Variants in BICDL1 observed in about 807,000 individuals in gnomAD.
The protein encoded by BICDL1 is BICD family like cargo adaptor 1.
In BICDL1, 20 loss-of-function variants were observed where a neutral mutation model predicts 76.8. The ratio of observed to expected loss-of-function variants is 0.26; its 90% CI spans 0.18 to 0.38. BICDL1 has a LOEUF of 0.38. BICDL1 is among the 10% of genes least tolerant of loss of function. The pLI is 1.00. For synonymous variants in BICDL1, 383 were observed against 337.1 expected (o/e 1.14, Z -1.49); for missense variants, 700 against 798.6 (o/e 0.88, Z 1.49).
At chr12:120,075,639 ACT>A (rs1474804363) in intron 7 of BICDL1, among the ~76,000 whole-genome samples, 1 of 151,944 alleles carries the variant, frequency 6.6e-6, no homozygotes, top group East Asian at 1.9e-4. Context: ...CTCACCTCAG[ACT>A]CTCAAAGTGC....
At chr12:120,067,408 C>T (rs181607031) in intron 4 of BICDL1, among the ~76,000 whole-genome samples, 20 of 152,290 alleles carry the variant, frequency 1.3e-4, no homozygotes, top group African/African-American at 2.6e-4. Flanking sequence ...CTTAGATGAG[C>T]GTAAATGTAG....
At position 120,079,373 on chromosome 12, in the gene BICDL1, A is replaced by AC. The variant is rs1873799934; in HGVS notation, c.1453-1512dup. On this transcript the variant is annotated intron_variant, in intron 7 of 9. Transcript: ENST00000548673. This position sits in a 1 kb window ranked among gnomAD's most constrained non-coding sequence, Gnocchi z 4.3. Reference sequence around the variant, plus strand: ...AGGGAAGCTTGATCTTCAGCCTTACACCTGGGGCCTTTGCTCAGTTTCATT... The same window carrying AC: ...AGGGAAGCTTGATCTTCAGCCTTACACCCTGGGGCCTTTGCTCAGTTTCATT... 6.6e-6 allele frequency among the ~76,000 whole-genome samples: 1 copy of AC among 152,124 alleles called. No homozygotes were observed.
intron 4 of BICDL1, among the ~76,000 whole-genome samples, chr12:120,066,462 G>A (rs531086738): frequency 6.6e-6 from 1 of 152,302 alleles, no homozygotes; most frequent in East Asian, 1.9e-4. Flanking sequence ...ACCTGGGTTG[G>A]GGGAAAGAGG....
intron 2 of BICDL1, chr12:119,999,733 C>T (rs1260921620): frequency 7.0e-6 from 3 of 426,140 alleles, no homozygotes; most frequent in Non-Finnish European, 1.4e-5. Context: ...GTTATTAATG[C>T]CCTGGTCTAT....
intron 1 of BICDL1, among the ~76,000 whole-genome samples, chr12:119,997,268 C>A (rs1260512915): frequency 6.6e-6 from 1 of 152,090 alleles, no homozygotes; most frequent in East Asian, 1.9e-4. Context: ...TTTTATTTCC[C>A]TCAATCCAAA....
intron 2 of BICDL1, among the ~76,000 whole-genome samples, chr12:120,004,617 A>G (rs568016132): frequency 1.8e-4 from 27 of 152,314 alleles, no homozygotes; most frequent in Middle Eastern, 6.8e-3. Context: ...ACAAAGATCC[A>G]TTATAGTTCA....
intron 2 of BICDL1, among the ~76,000 whole-genome samples, chr12:120,002,242 C>G (rs766658554): frequency 1.3e-5 from 2 of 152,088 alleles, no homozygotes; most frequent in Non-Finnish European, 2.9e-5. Flanking sequence ...ATTTGATTAC[C>G]TATGTAAAGA....
At chr12:120,043,892 T>C (rs2138820256) in intron 2 of BICDL1, among the ~76,000 whole-genome samples, 1 of 152,378 alleles carries the variant, frequency 6.6e-6, no homozygotes, top group South Asian at 2.1e-4. Flanking sequence ...CTTAAGTCTT[T>C]TCCAGTCTAA....
At chr12:120,080,782 C>T in intron 7 of BICDL1, 105 bp from the exon 8 acceptor site, 1 of 1,296,886 alleles carries the variant, frequency 7.7e-7, no homozygotes, top group South Asian at 1.4e-5. Context: ...TGCACCCCCA[C>T]ACATGTACCC....
chr12:119,998,474 G>C (rs932519757), intron 1 of BICDL1, 47 bp from the exon 2 acceptor site: 2 of 1,506,608 alleles, frequency 1.3e-6, no homozygotes, highest in Admixed American at 2.2e-5. Flanking sequence ...AAAATAAAAG[G>C]CTGTGGAATT....
intron 2 of BICDL1, among the ~76,000 whole-genome samples, chr12:120,014,689 CAAAA>C (rs1037186627): frequency 3.2e-5 from 4 of 126,228 alleles, no homozygotes; most frequent in African/African-American, 1.1e-4. Flanking sequence ...GACTCCATCT[CAAAA>C]AAAAAAAAAA....
chr12:120,011,099 G>A (rs1363383783), intron 2 of BICDL1, among the ~76,000 whole-genome samples: 3 of 152,180 alleles, frequency 2.0e-5, no homozygotes, highest in African/African-American at 7.2e-5. Context: ...AGTTCAGGCA[G>A]TGATTCAGTT....
intron 2 of BICDL1, among the ~76,000 whole-genome samples, chr12:120,051,713 C>G (rs142661166): frequency 8.2e-4 from 125 of 152,256 alleles, no homozygotes; most frequent in African/African-American, 3.0e-3. Context: ...GTAGCTCCCC[C>G]TAATGTTAAC....
intron 5 of BICDL1, among the ~76,000 whole-genome samples, chr12:120,072,182 C>CT (rs1873159478): frequency 6.6e-6 from 1 of 152,182 alleles, no homozygotes; most frequent in African/African-American, 2.4e-5. Flanking sequence ...TCTTTTCACA[C>CT]TTTTCATAAT....
At position 120,045,624 on chromosome 12, in the gene BICDL1, A is replaced by G. The variant is rs529173839; in HGVS notation, c.646-16086A>G. ...ATGAGTTCATGTCCTTTGTAGGGACATGGATGAAATTGGAAATCATCATTC... is the reference window on the plus strand; with the variant it reads ...ATGAGTTCATGTCCTTTGTAGGGACGTGGATGAAATTGGAAATCATCATTC... On this transcript the variant is annotated intron_variant, in intron 2 of 9. Transcript: ENST00000548673. Among the ~76,000 whole-genome samples the G allele has an allele frequency of 3.6e-4, 54 of 152,060 alleles. 1 individual carries two copies. The South Asian group carries it at 1.0e-2, about 28-fold the overall frequency.
intron 7 of BICDL1, among the ~76,000 whole-genome samples, chr12:120,077,136 T>C (rs992583258): frequency 1.3e-5 from 2 of 152,228 alleles, no homozygotes; most frequent in African/African-American, 2.4e-5. Context: ...GAGTGTTCTT[T>C]TCTCTCTTGA....
At chr12:120,053,081 G>A (rs12422923) in intron 2 of BICDL1, among the ~76,000 whole-genome samples, 33,248 of 151,534 alleles carry the variant, frequency 0.22, 3,927 homozygotes, top group East Asian at 0.4. Flanking sequence ...CAGCCAGCCT[G>A]ATTTTCATTC....
At chr12:120,018,133 G>T (rs888115134) in intron 2 of BICDL1, among the ~76,000 whole-genome samples, 10 of 152,182 alleles carry the variant, frequency 6.6e-5, no homozygotes, top group African/African-American at 2.4e-4. Context: ...CACCTGGGCA[G>T]CTTTTGCGCT....
chr12:120,080,780 C>G, intron 7 of BICDL1, 107 bp from the exon 8 acceptor site: 1 of 1,279,160 alleles, frequency 7.8e-7, no homozygotes, highest in East Asian at 2.6e-5. Context: ...CTTGCACCCC[C>G]ACACATGTAC....
Sources: gnomAD v4.1 joint callset for allele counts (sites outside exome capture counted in the v4.1 genomes callset) on GRCh38, gnomAD v4.1.1 for gene constraint, Gnocchi (gnomAD v3.1) non-coding constraint, MANE v1.5 for transcripts, NCBI Gene and HGNC (gene_info 2026-07-23, HGNC 2026-07-21) for gene names.